Variants in AMPH observed in about 807,000 individuals in gnomAD.
The protein encoded by AMPH is amphiphysin (Stiff-Mann syndrome with breast cancer 128kD autoantigen).
AMPH carries 49 observed loss-of-function variants against 99.1 expected under a neutral mutation model. The observed-to-expected ratio is 0.49, with a 90% CI of 0.39 to 0.63. The LOEUF is 0.63. Ranked by LOEUF, AMPH falls within the 20% of genes least tolerant of loss-of-function variation. The probability of loss-of-function intolerance (pLI) is 0.00; values close to 1 mark genes in which losing one functional copy is unlikely to be tolerated. For missense variants in AMPH, 759 were observed against 863.4 expected, an observed-to-expected ratio of 0.88 and a Z score of 1.52; for synonymous variants, 314 against 317.3, an observed-to-expected ratio of 0.99 and a Z score of 0.11.
intron 3 of AMPH, among the ~76,000 whole-genome samples, chr7:38,496,577 T>C (rs1265358395): frequency 4.6e-5 from 7 of 152,104 alleles, no homozygotes; most frequent in Non-Finnish European, 1.0e-4. Context: ...AGACAAAACC[T>C]GAATCCAACC....
intron 1 of AMPH, among the ~76,000 whole-genome samples, chr7:38,601,661 G>A (rs1374214229): frequency 6.6e-6 from 1 of 152,118 alleles, no homozygotes; most frequent in African/African-American, 2.4e-5. Context: ...TTTTTCAGAG[G>A]TAAGGTAATG....
rs1465052975 is a variant in AMPH at position 38,461,324 on chromosome 7, C to A, written c.976G>T (p.Asp326Tyr). The A allele has an allele frequency of 1.9e-6, 3 of 1,613,970 alleles. No homozygotes were observed. The highest frequency in any genetic ancestry group is 2.5e-6 in the Non-Finnish European group (3 of 1,180,004). The change falls in exon 11 of 21, where the codon GAC becomes TAC. Residue 326 changes from aspartate to tyrosine, a missense_variant. Physicochemically the swap from Asp to Tyr is radical, Grantham distance 160 (BLOSUM62 -3). Transcript: ENST00000356264. ...QQENIISFFE[D>Y]NFVPEISVTT... ...ACACTGATTTCTGGAACAAAGTTGTCCTCAAAGAAACTGATGATGTTCTCC... is the reference window on the plus strand; with the variant it reads ...ACACTGATTTCTGGAACAAAGTTGTACTCAAAGAAACTGATGATGTTCTCC...
chr7:38,616,191 C>A (rs1474297753), intron 1 of AMPH, among the ~76,000 whole-genome samples: 4 of 152,184 alleles, frequency 2.6e-5, no homozygotes, highest in African/African-American at 4.8e-5. Flanking sequence ...ACCACTCCCC[C>A]ACCTGATTCA....
At chr7:38,415,463 T>G (rs1398797030) in intron 17 of AMPH, among the ~76,000 whole-genome samples, 1 of 152,188 alleles carries the variant, frequency 6.6e-6, no homozygotes, top group East Asian at 1.9e-4. Context: ...TTTTTACAAC[T>G]AAATACCACG....
At chr7:38,503,599 C>T (rs1789224698) in intron 3 of AMPH, 51 bp downstream of exon 3, 2 of 1,584,360 alleles carry the variant, frequency 1.3e-6, no homozygotes, top group Non-Finnish European at 1.7e-6. Context: ...TCATGAATTC[C>T]AAGAACAACC....
intron 10 of AMPH, among the ~76,000 whole-genome samples, chr7:38,462,222 C>A (rs185640145): frequency 1.3e-5 from 2 of 152,070 alleles, no homozygotes; most frequent in Non-Finnish European, 2.9e-5. Context: ...GTTCTCGGCG[C>A]GTTTAAGGTA....
At chr7:38,564,494 T>C (rs2129049857) in intron 1 of AMPH, among the ~76,000 whole-genome samples, 1 of 152,278 alleles carries the variant, frequency 6.6e-6, no homozygotes, top group Non-Finnish European at 1.5e-5. Flanking sequence ...GTACTGAGCA[T>C]GTGGACCTGG....
intron 17 of AMPH, among the ~76,000 whole-genome samples, chr7:38,417,037 G>T (rs1383829913): frequency 6.6e-6 from 1 of 152,182 alleles, no homozygotes; most frequent in African/African-American, 2.4e-5. Context: ...TACAGTCTAT[G>T]AAGGGTAAAT....
chr7:38,597,108 C>T (rs1793086311), intron 1 of AMPH, among the ~76,000 whole-genome samples: 1 of 152,226 alleles, frequency 6.6e-6, no homozygotes, highest in Non-Finnish European at 1.5e-5. Context: ...TATCAAAAAG[C>T]ACACATAGTT....
intron 1 of AMPH, among the ~76,000 whole-genome samples, chr7:38,537,967 T>C (rs933565413): frequency 1.3e-5 from 2 of 152,156 alleles, no homozygotes; most frequent in Non-Finnish European, 2.9e-5. Flanking sequence ...CCTCAAACAC[T>C]GGAAGGACCA....
intron 2 of AMPH, among the ~76,000 whole-genome samples, chr7:38,525,239 T>G (rs1037498941): frequency 7.0e-6 from 1 of 143,882 alleles, no homozygotes; most frequent in Non-Finnish European, 1.5e-5. Flanking sequence ...TGTGTATATA[T>G]GTAGTTGTGT....
At chr7:38,628,204 A>G (rs1794324702) in intron 1 of AMPH, among the ~76,000 whole-genome samples, 1 of 152,248 alleles carries the variant, frequency 6.6e-6, no homozygotes, top group South Asian at 2.1e-4. Context: ...GCTTTTTAAA[A>G]ATCAAACAAA....
At chr7:38,479,556 A>C (rs1200977185) in intron 5 of AMPH, among the ~76,000 whole-genome samples, 1 of 152,112 alleles carries the variant, frequency 6.6e-6, no homozygotes, top group Non-Finnish European at 1.5e-5. Context: ...AAAAAACATA[A>C]CTAATGTATT....
intron 18 of AMPH, 58 bp downstream of exon 18, chr7:38,393,946 GA>G: frequency 1.3e-6 from 2 of 1,559,804 alleles, no homozygotes; most frequent in Non-Finnish European, 1.8e-6. Flanking sequence ...CCAACCAACA[GA>G]GCACCCAGCC....
intron 11 of AMPH, 83 bp downstream of exon 11, chr7:38,461,200 G>A (rs546475244): frequency 9.3e-5 from 141 of 1,514,230 alleles, no homozygotes; most frequent in African/African-American, 6.1e-4. Flanking sequence ...TTCTGGAACC[G>A]CCACTTTCTT....
intron 1 of AMPH, among the ~76,000 whole-genome samples, chr7:38,629,104 T>C (rs1794363659): frequency 6.6e-6 from 1 of 152,128 alleles, no homozygotes; most frequent in African/African-American, 2.4e-5. Flanking sequence ...AGGCCAAAGG[T>C]GTAGAAAGAG....
chr7:38,489,467 A>G (rs1213871287), intron 5 of AMPH, among the ~76,000 whole-genome samples: 1 of 152,136 alleles, frequency 6.6e-6, no homozygotes, highest in African/African-American at 2.4e-5. Flanking sequence ...GGTGTTAGCA[A>G]TGATTTCTTG....
intron 9 of AMPH, chr7:38,464,151 C>T: frequency 8.5e-6 from 11 of 1,287,080 alleles, no homozygotes; most frequent in Non-Finnish European, 1.1e-5. Flanking sequence ...GTGGTCATGG[C>T]CCCGCTTTTT....
intron 5 of AMPH, among the ~76,000 whole-genome samples, chr7:38,485,635 T>C (rs1788462020): frequency 6.6e-6 from 1 of 151,930 alleles, no homozygotes; most frequent in African/African-American, 2.4e-5. Flanking sequence ...CTAACAGACA[T>C]ATACAGAATA....
Sources: gnomAD v4.1 joint callset for allele counts (sites outside exome capture counted in the v4.1 genomes callset) on GRCh38, gnomAD v4.1.1 for gene constraint, MANE v1.5 for transcripts, NCBI Gene and HGNC (gene_info 2026-07-23, HGNC 2026-07-21) for gene names.